The following PADI2 variants were observed in gnomAD, a reference collection of about 807,000 sequenced individuals.
PADI2 encodes the protein peptidyl arginine deiminase 2, also known as protein-arginine deiminase type-2.
In PADI2, 70 loss-of-function variants were observed where a neutral mutation model predicts 81.1. The ratio of observed to expected loss-of-function variants is 0.86; its 90% confidence interval spans 0.71 to 1.05. The LOEUF (loss-of-function observed/expected upper bound fraction) is 1.05, where lower values mean the gene tolerates loss of function less well. Ranked by LOEUF, PADI2 falls within the 50% of genes least tolerant of loss-of-function variation. The pLI, the probability that PADI2 is intolerant of heterozygous loss-of-function variation, is 0.00. For missense variants in PADI2, 853 were observed against 889.9 expected, an observed-to-expected ratio of 0.96 and a Z score of 0.53; for synonymous variants, 338 against 358.0, an observed-to-expected ratio of 0.94 and a Z score of 0.63.
intron 12 of PADI2, 42 bp downstream of exon 12, chr1:17,075,637 T>TACCC (rs755595267): frequency 6.4e-7 from 1 of 1,563,590 alleles, no homozygotes; most frequent in Admixed American, 2.0e-5. Context: ...TATATTGGTT[T>TACCC]GCTGCTACCC....
At chr1:17,087,492 GTTTA>G (rs138753770) in intron 6 of PADI2, among the ~76,000 whole-genome samples, 4,080 of 148,284 alleles carry the variant, frequency 0.028, 165 homozygotes, top group African/African-American at 0.095. Context: ...TTGTTTGTTT[GTTTA>G]TTTATTTATT....
rs1217484961 is a variant in PADI2 at position 17,104,431 on chromosome 1, C to CTTTTTTTTTTTTTTTTT, written c.276+430_276+446dup. Reference sequence around the variant, plus strand: ...TTTCACCTGTTTCTTTTTGCCTTTTCTTTTTTTTTTTTTTTTTTTTTGAGA... The same window carrying CTTTTTTTTTTTTTTTTT: ...TTTCACCTGTTTCTTTTTGCCTTTTCTTTTTTTTTTTTTTTTTTTTTTTTTTTTTTTTTTTTTTGAGA... On this transcript the variant is annotated intron_variant, in intron 2 of 15. Coordinates refer to ENST00000375486, the MANE Select transcript of PADI2 (RefSeq NM_007365.3). 1.9e-4 allele frequency among the ~76,000 whole-genome samples: 15 copies of CTTTTTTTTTTTTTTTTT among 79,814 alleles called. 2 individuals are homozygous for CTTTTTTTTTTTTTTTTT. Among genetic ancestry groups the CTTTTTTTTTTTTTTTTT allele is most frequent in the African/African-American group, 6.9e-4 (14 of 20,236 alleles). 52.4% of individuals were successfully genotyped at this position (79,814 alleles called of 152,430 possible).
At chr1:17,094,117 A>C (rs1421680268) in intron 4 of PADI2, among the ~76,000 whole-genome samples, 1 of 152,124 alleles carries the variant, frequency 6.6e-6, no homozygotes, top group Non-Finnish European at 1.5e-5. Context: ...ATGGTGCTCC[A>C]CTTTCTACAC....
Position 17,119,271 on chromosome 1 carries a change from C to G in PADI2, c.92+9G>C. On this transcript the variant is annotated intron_variant, in intron 1 of 15. Coordinates refer to ENST00000375486, the MANE Select transcript of PADI2 (RefSeq NM_007365.3). This position sits in a 1 kb window ranked among gnomAD's most constrained non-coding sequence, Gnocchi z 4.8. ...ATCTCGGCCCGGGCATCACGGTGGG[C>G]CGGCTCACCTGTAGACATCGGTCCA... The G allele has an allele frequency of 6.6e-7, 1 of 1,517,444 alleles. No individual in the cohort carries two copies. Among genetic ancestry groups the G allele is most frequent in the African/African-American group, 1.4e-5 (1 of 70,292 alleles). 94.0% of individuals were successfully genotyped at this position (1,517,444 alleles called of 1,614,324 possible).
In PADI2 at chr1:17,067,636, C is replaced by T. The variant is rs1318717910; in HGVS notation, c.*1408G>A. ...TTGCATGTTGGGGAGTGATGGGTTC[C>T]ATGCCAGTAGGGACCAGGTCCAGAC... On this transcript the variant is annotated 3_prime_UTR_variant, in exon 16 of 16. Coordinates refer to ENST00000375486, the MANE Select transcript of PADI2 (RefSeq NM_007365.3). The T allele has an allele frequency of 1.3e-5, 2 of 152,218 alleles. No individual in the cohort carries two copies. Among genetic ancestry groups the T allele is most frequent in the African/African-American group, 4.8e-5 (2 of 41,446 alleles). 9.4% of individuals were successfully genotyped at this position (152,218 alleles called of 1,614,324 possible). A position where few individuals can be genotyped will look rare whatever the true frequency, so the allele number is the denominator to read the frequency against.
In PADI2 at chr1:17,119,207, C is replaced by T; in HGVS notation, c.92+73G>A. 1 of 1,090,064 alleles carries T rather than the reference C, an allele frequency of 9.2e-7. No homozygotes were observed. Among genetic ancestry groups the T allele is most frequent in the Non-Finnish European group, 1.3e-6 (1 of 756,832 alleles). The allele number at this position is 1,090,064 out of a possible 1,614,324, so 67.5% of individuals were successfully genotyped here. A position where few individuals can be genotyped will look rare whatever the true frequency, so the allele number is the denominator to read the frequency against. ...CGGGCTGGACAAAGGCTGTCCACGTCCCCGAGTCTGAGCGCGTCTCAGGAT... is the reference window on the plus strand; with the variant it reads ...CGGGCTGGACAAAGGCTGTCCACGTTCCCGAGTCTGAGCGCGTCTCAGGAT... On this transcript the variant is annotated intron_variant, in intron 1 of 15. Coordinates refer to ENST00000375486, the MANE Select transcript of PADI2 (RefSeq NM_007365.3). The surrounding 1 kb of genome is among the most constrained non-coding windows in gnomAD (Gnocchi z 4.8).
chr1:17,072,704 T>G (rs756240143), intron 13 of PADI2, among the ~76,000 whole-genome samples: 43 of 152,246 alleles, frequency 2.8e-4, no homozygotes, highest in Admixed American at 2.7e-3. Context: ...CCATGCCTTC[T>G]GTCCATCAAA....
In PADI2 at chr1:17,071,489, A is replaced by T; in HGVS notation, c.1552T>A (p.Leu518Met). 6.2e-7 allele frequency: 1 copy of T among 1,612,814 alleles called. No individual in the cohort carries two copies. The highest frequency in any genetic ancestry group is 8.5e-7 in the Non-Finnish European group (1 of 1,178,842). The change falls in exon 14 of 16, where the codon TTG becomes ATG. Residue 518 changes from leucine (L) to methionine (M), a missense_variant and splice_region_variant. Transcript: ENST00000375486. ...ATTCGCTTGCTGCTCATCCCACCCAAGCCTGTGGGGTTCAAAGGACAGGGG... is the reference window on the plus strand; with the variant it reads ...ATTCGCTTGCTGCTCATCCCACCCATGCCTGTGGGGTTCAAAGGACAGGGG... Reference protein sequence around the residue: ...GHGEAIMFKGLGGMSSKRITI... With the variant: ...GHGEAIMFKGMGGMSSKRITI...
At chr1:17,101,050 G>A (rs939292724) in intron 3 of PADI2, among the ~76,000 whole-genome samples, 1 of 151,890 alleles carries the variant, frequency 6.6e-6, no homozygotes, top group African/African-American at 2.4e-5. Context: ...TGGGGGCAGG[G>A]GACATTTGAT....
At chr1:17,086,802 A>T in intron 6 of PADI2, 103 bp from the exon 7 acceptor site, 1 of 922,688 alleles carries the variant, frequency 1.1e-6, no homozygotes, top group Non-Finnish European at 1.7e-6. Context: ...CTTGTCCTCT[A>T]GACAGAGAGA....
At chr1:17,101,350 A>G (rs1295315655) in intron 3 of PADI2, among the ~76,000 whole-genome samples, 1 of 152,034 alleles carries the variant, frequency 6.6e-6, no homozygotes, top group East Asian at 1.9e-4. Context: ...TTCTGGGATC[A>G]TCCTCATTTG....
At chr1:17,107,543 T>C (rs1452322880) in intron 1 of PADI2, among the ~76,000 whole-genome samples, 2 of 152,224 alleles carry the variant, frequency 1.3e-5, no homozygotes, top group Non-Finnish European at 2.9e-5. Flanking sequence ...GGCCCAAGAA[T>C]CTGCATTTCT....
chr1:17,071,518 G>T lies in PADI2; in HGVS notation c.1550-27C>A, dbSNP rs764292451. On this transcript the variant is annotated intron_variant, in intron 13 of 15. Transcript: ENST00000375486. ...TGTGGGGTTCAAAGGACAGGGGATG[G>T]TCAAGCTTTAGATACCCAGGCTGAG... The T allele has an allele frequency of 8.9e-6, 14 of 1,580,360 alleles. No individual in the cohort carries two copies. The Middle Eastern group carries it at 8.3e-4, about 94-fold the overall frequency.
chr1:17,108,390 A>G (rs142637797), intron 1 of PADI2, among the ~76,000 whole-genome samples: 237 of 152,076 alleles, frequency 1.6e-3, no homozygotes, highest in Middle Eastern at 3.4e-3. Context: ...GTTAGTCCCT[A>G]CGCCTCAGGA....
At chr1:17,082,776 G>C (rs1200284989) in intron 9 of PADI2, 124 bp from the exon 10 acceptor site, 6 of 621,682 alleles carry the variant, frequency 9.7e-6, no homozygotes, top group Admixed American at 6.0e-5. Flanking sequence ...CCCATTCCCT[G>C]GTCCCCCATC....
chr1:17,109,011 T>C lies in PADI2; in HGVS notation c.93-3950A>G, dbSNP rs118149724. On this transcript the variant is annotated intron_variant, in intron 1 of 15. Coordinates refer to ENST00000375486, the MANE Select transcript of PADI2 (RefSeq NM_007365.3). ...TTTCATCCAGTGTTAGGTGAGAGGA[T>C]GGAACCAGAGCAGAGGTGGCTGAGT... 1.6e-3 allele frequency among the ~76,000 whole-genome samples: 244 copies of C among 152,132 alleles called. 5 individuals are homozygous for C. The East Asian group carries it at 0.046, about 29-fold the overall frequency.
intron 6 of PADI2, among the ~76,000 whole-genome samples, chr1:17,089,618 A>G (rs764761168): frequency 1.3e-5 from 2 of 151,668 alleles, no homozygotes; most frequent in African/African-American, 2.4e-5. Flanking sequence ...ATGCACCTCT[A>G]TTCTGGGCTG....
chr1:17,075,525 C>G (rs1278360101), intron 12 of PADI2, 154 bp downstream of exon 12: 2 of 628,610 alleles, frequency 3.2e-6, no homozygotes, highest in African/African-American at 3.8e-5. Flanking sequence ...AAAATTTTAC[C>G]TGCCACAGCA....
chr1:17,075,300 T>C, intron 12 of PADI2: 1 of 312,802 alleles, frequency 3.2e-6, no homozygotes, highest in Non-Finnish European at 5.9e-6. Context: ...GCATAACCTA[T>C]TTCTCTCTAG....
Sources: gnomAD v4.1 joint callset for allele counts (sites outside exome capture counted in the v4.1 genomes callset) on GRCh38, gnomAD v4.1.1 for gene constraint, Gnocchi (gnomAD v3.1) non-coding constraint, MANE v1.5 for transcripts, NCBI Gene and HGNC (gene_info 2026-07-23, HGNC 2026-07-21) for gene names.